Variants in SCYL2 observed in about 807,000 individuals in gnomAD.
The protein encoded by SCYL2 is SCY1 like pseudokinase 2.
A neutral mutation model predicts 100.4 loss-of-function variants in SCYL2; 36 were observed. That is an observed-to-expected ratio of 0.36 (90% CI 0.27 to 0.47). SCYL2 has a LOEUF of 0.47. Ranked by LOEUF, SCYL2 falls within the 20% of genes least tolerant of loss-of-function variation. The probability of loss-of-function intolerance (pLI) is 1.00; values close to 1 mark genes in which losing one functional copy is unlikely to be tolerated. For missense variants in SCYL2, 902 were observed against 1,083.9 expected (o/e 0.83, Z 2.36); for synonymous variants, 330 against 359.2 (o/e 0.92, Z 0.92).
chr12:100,284,322 A>G (rs777018716), intron 2 of SCYL2, among the ~76,000 whole-genome samples: 4 of 152,210 alleles, frequency 2.6e-5, no homozygotes, highest in African/African-American at 7.2e-5. Context: ...ACTGCTGACT[A>G]TCAGCACTGG....
At chr12:100,294,576 C>T (rs918294705) in intron 3 of SCYL2, among the ~76,000 whole-genome samples, 5 of 139,192 alleles carry the variant, frequency 3.6e-5, no homozygotes, top group African/African-American at 1.3e-4. Flanking sequence ...CGGGGGCTGA[C>T]CCCCCACCTC....
chr12:100,294,048 C>A lies in SCYL2; in HGVS notation c.335+2388C>A, dbSNP rs1224052204. On this transcript the variant is annotated intron_variant, in intron 3 of 17. Transcript: ENST00000360820. ...CGTTCTCAATGAGCTGTTGGGCACA[C>A]CTCCCAGACGGGGTGGTGGCCGGGC... 4.0e-5 allele frequency among the ~76,000 whole-genome samples: 6 copies of A among 151,338 alleles called. No homozygotes were observed. In the South Asian group the frequency reaches 1.3e-3, roughly 32 times the overall value.
intron 12 of SCYL2, among the ~76,000 whole-genome samples, chr12:100,328,276 T>C (rs1375212593): frequency 1.4e-5 from 2 of 142,292 alleles, no homozygotes; most frequent in African/African-American, 2.7e-5. Flanking sequence ...AGACCCTGTC[T>C]TAAAAAAAAA....
At position 100,295,382 on chromosome 12, in the gene SCYL2, C is replaced by T. The variant is rs9805056; in HGVS notation, c.336-2649C>T. ...TAGAGGTTGTAGCGAGCCGAGATCA[C>T]GCCACTGCACTCCAGCCGGGGCACC... On this transcript the variant is annotated intron_variant, in intron 3 of 17. Coordinates refer to ENST00000360820, the MANE Select transcript of SCYL2 (RefSeq NM_017988.6). 5.6e-4 allele frequency among the ~76,000 whole-genome samples: 85 copies of T among 152,330 alleles called. 1 individual carries two copies. The highest frequency in any genetic ancestry group is 9.1e-4 in the African/African-American group (38 of 41,588).
chr12:100,334,389 T>C (rs1364939015), intron 14 of SCYL2, 123 bp downstream of exon 14: 1 of 668,364 alleles, frequency 1.5e-6, no homozygotes, highest in African/African-American at 1.8e-5. Flanking sequence ...ATGTAAAACA[T>C]TTCAAAATTT....
chr12:100,270,333 G>A (rs565820288), intron 1 of SCYL2, among the ~76,000 whole-genome samples: 13 of 152,188 alleles, frequency 8.5e-5, no homozygotes, highest in African/African-American at 2.9e-4. Context: ...AGACTTTAAG[G>A]AAGTGATCAT....
intron 2 of SCYL2, among the ~76,000 whole-genome samples, chr12:100,287,206 T>C (rs577568440): frequency 2.2e-4 from 34 of 152,346 alleles, no homozygotes; most frequent in African/African-American, 7.9e-4. Context: ...ATTTAAATTT[T>C]ATTACTTAAG....
intron 4 of SCYL2, among the ~76,000 whole-genome samples, chr12:100,300,082 G>A (rs1401735090): frequency 6.6e-6 from 1 of 152,078 alleles, no homozygotes; most frequent in East Asian, 1.9e-4. Context: ...ATCTCATAGT[G>A]CTTTTAATTT....
Position 100,329,259 on chromosome 12 carries a change from C to T in SCYL2, c.1701C>T (p.Ala567=), listed in dbSNP as rs768357321. ...TGGGAATCACCAAAGAGCAGCTGGC[C>T]GGAAAAGTGTTGCCTCATCTTATTC... The part of the protein sequence containing the change: ...KKLGITKEQL[A]GKVLPHLIPL... The change falls in exon 13 of 18, where the codon GCC becomes GCT. Residue 567 remains alanine (A), a synonymous_variant. Transcript: ENST00000360820. 6 of 1,609,668 alleles carry T rather than the reference C, an allele frequency of 3.7e-6. No individual in the cohort carries two copies. The highest frequency in any genetic ancestry group is 2.2e-5 in the South Asian group (2 of 90,886).
At position 100,298,125 on chromosome 12, in the gene SCYL2, A is replaced by G; in HGVS notation, c.430A>G (p.Ile144Val). The change falls in exon 4 of 18, where the codon ATT becomes GTT. Residue 144 changes from isoleucine (I) to valine (V), a missense_variant. Transcript: ENST00000360820. ...ENLPSPISPDIKDYKLYDVET... is the reference protein window; with the variant it reads ...ENLPSPISPDVKDYKLYDVET... Reference sequence around the variant, plus strand: ...TCTACCTTCCCCTATATCTCCAGACATTAAGGATTATAAACTTTATGATGT... The same window carrying G: ...TCTACCTTCCCCTATATCTCCAGACGTTAAGGATTATAAACTTTATGATGT... 3 of 1,603,026 alleles carry G rather than the reference A, an allele frequency of 1.9e-6. No homozygotes were observed. The highest frequency in any genetic ancestry group is 2.6e-6 in the Non-Finnish European group (3 of 1,172,954).
At chr12:100,325,688 T>C (rs1018769142) in intron 11 of SCYL2, among the ~76,000 whole-genome samples, 1 of 152,198 alleles carries the variant, frequency 6.6e-6, no homozygotes, top group African/African-American at 2.4e-5. Flanking sequence ...ATTCATTACT[T>C]ACATGACTAA....
chr12:100,315,857 T>C (rs2096348063), intron 9 of SCYL2, 123 bp downstream of exon 9: 2 of 755,544 alleles, frequency 2.6e-6, no homozygotes, highest in African/African-American at 1.8e-5. Flanking sequence ...GACTTTCTTT[T>C]CCATTAGTCA....
At chr12:100,268,167 T>C (rs1481610242) in intron 1 of SCYL2, among the ~76,000 whole-genome samples, 2 of 152,192 alleles carry the variant, frequency 1.3e-5, no homozygotes, top group African/African-American at 4.8e-5. Context: ...AGTGACTTCA[T>C]TGGAAGGTGT....
rs114256013 is a variant in SCYL2, at chr12:100,288,982, C to T, written c.178-2521C>T. Among the ~76,000 whole-genome samples, 1,355 of 151,958 alleles carry T rather than the reference C, an allele frequency of 8.9e-3. 16 individuals are homozygous for T. The highest frequency in any genetic ancestry group is 0.031 in the African/African-American group (1,291 of 41,436). ...CAGGCCTCCCAAAGTGCAAAGATTACAGGCGTGAGCTACCGTGCCGGCCAT... is the reference window on the plus strand; with the variant it reads ...CAGGCCTCCCAAAGTGCAAAGATTATAGGCGTGAGCTACCGTGCCGGCCAT... On this transcript the variant is annotated intron_variant, in intron 2 of 17. Coordinates refer to ENST00000360820, the MANE Select transcript of SCYL2 (RefSeq NM_017988.6).
At chr12:100,277,911 T>C (rs1304953064) in intron 1 of SCYL2, among the ~76,000 whole-genome samples, 3 of 152,118 alleles carry the variant, frequency 2.0e-5, no homozygotes, top group Non-Finnish European at 2.9e-5. Flanking sequence ...TATTTGAGGG[T>C]CTACAGTATA....
At chr12:100,311,565 G>A (rs1197421008) in intron 5 of SCYL2, among the ~76,000 whole-genome samples, 1 of 151,960 alleles carries the variant, frequency 6.6e-6, no homozygotes, top group Non-Finnish European at 1.5e-5. Flanking sequence ...CATTCTTATT[G>A]AAGCACTTTT....
At chr12:100,311,016 G>A in intron 4 of SCYL2, 28 bp from the exon 5 acceptor site, 4 of 1,510,726 alleles carry the variant, frequency 2.6e-6, no homozygotes, top group Non-Finnish European at 3.5e-6. Flanking sequence ...GTTTTATTTA[G>A]TGTAAAATGT....
chr12:100,305,884 G>A, intron 4 of SCYL2, among the ~76,000 whole-genome samples: 1 of 152,042 alleles, frequency 6.6e-6, no homozygotes, highest in Admixed American at 6.6e-5. Flanking sequence ...ATCCTTCTAT[G>A]CAAATAAACT....
At chr12:100,314,392 TTC>T (rs1272942286) in intron 7 of SCYL2, 95 bp from the exon 8 acceptor site, 2 of 841,664 alleles carry the variant, frequency 2.4e-6, no homozygotes, top group Non-Finnish European at 3.6e-6. Context: ...TGCTAAATGT[TTC>T]TGAGTATTTT....
Sources: gnomAD v4.1 joint callset for allele counts (sites outside exome capture counted in the v4.1 genomes callset) on GRCh38, gnomAD v4.1.1 for gene constraint, MANE v1.5 for transcripts, NCBI Gene and HGNC (gene_info 2026-07-23, HGNC 2026-07-21) for gene names.